Variants in BRAF observed in about 807,000 individuals in gnomAD.
BRAF encodes the protein B-Raf proto-oncogene, serine/threonine kinase.
BRAF carries 16 observed loss-of-function variants against 104.6 expected under a neutral mutation model. That is an observed-to-expected ratio of 0.15 (90% CI 0.10 to 0.23). The LOEUF is 0.23. Among genes scored for constraint, BRAF ranks in the 10% least tolerant of loss-of-function variants. The pLI, the probability that BRAF is intolerant of heterozygous loss-of-function variation, is 1.00. For missense variants in BRAF, 541 were observed against 937.3 expected (o/e 0.58, Z 5.52); for synonymous variants, 310 against 341.6 (o/e 0.91, Z 1.02).
At chr7:140,895,256 T>A (rs1260544905) in intron 1 of BRAF, among the ~76,000 whole-genome samples, 1 of 152,130 alleles carries the variant, frequency 6.6e-6, no homozygotes, top group African/African-American at 2.4e-5. Flanking sequence ...GAAAAAAATC[T>A]AACAAAATTC....
chr7:140,818,318 T>A (rs1805101338), intron 3 of BRAF, among the ~76,000 whole-genome samples: 1 of 151,622 alleles, frequency 6.6e-6, no homozygotes, highest in African/African-American at 2.4e-5. Context: ...ATTTTAATTT[T>A]TTTTTTTTTT....
intron 1 of BRAF, among the ~76,000 whole-genome samples, chr7:140,880,604 T>C (rs1812787015): frequency 6.6e-6 from 1 of 152,194 alleles, no homozygotes; most frequent in Non-Finnish European, 1.5e-5. Flanking sequence ...AGATCCATCA[T>C]AGGAATATCT....
rs1232247923 is a variant in BRAF at position 140,882,371 on chromosome 7, C to CTTT, written c.139-32162_139-32160dup. 6.1e-3 allele frequency among the ~76,000 whole-genome samples: 776 copies of CTTT among 126,606 alleles called. 14 individuals are homozygous for CTTT. Among genetic ancestry groups the CTTT allele is most frequent in the African/African-American group, 0.021 (714 of 33,266 alleles). 83.1% of individuals were successfully genotyped at this position (126,606 alleles called of 152,430 possible). A position where few individuals can be genotyped will look rare whatever the true frequency, so the allele number is the denominator to read the frequency against. ...AACTATTATTTCTTTATCAAAGTAT[C>CTTT]TTTTTTTTTTTTTTTTTTTTGTGAG... On this transcript the variant is annotated intron_variant, in intron 1 of 19. Coordinates refer to ENST00000644969, the MANE Select transcript of BRAF (RefSeq NM_001374258.1).
In BRAF at chr7:140,720,378, A is replaced by T. The variant is rs1236002492; in HGVS notation, c.*6116T>A. ...CAGGAGAAGGGGACAGCACAGAGAC[A>T]TACACCCCTGTATGTAAACTAACAT... On this transcript the variant is annotated 3_prime_UTR_variant, in exon 20 of 20. Coordinates refer to ENST00000644969, the MANE Select transcript of BRAF (RefSeq NM_001374258.1). 4 of 1,062,384 alleles carry T rather than the reference A, an allele frequency of 3.8e-6. No individual in the cohort carries two copies. The highest frequency in any genetic ancestry group is 4.6e-6 in the Non-Finnish European group (4 of 877,520). The allele number at this position is 1,062,384 out of a possible 1,614,324, so 65.8% of individuals were successfully genotyped here. A position where few individuals can be genotyped will look rare whatever the true frequency, so the allele number is the denominator to read the frequency against.
At chr7:140,859,590 T>A (rs552591926) in intron 1 of BRAF, among the ~76,000 whole-genome samples, 9 of 152,182 alleles carry the variant, frequency 5.9e-5, no homozygotes, top group Middle Eastern at 3.4e-3. Flanking sequence ...AATATTATAA[T>A]GATGTCAATT....
intron 14 of BRAF, among the ~76,000 whole-genome samples, chr7:140,761,223 G>A (rs1168323960): frequency 6.6e-6 from 1 of 152,118 alleles, no homozygotes; most frequent in Non-Finnish European, 1.5e-5. Flanking sequence ...AAGAGAGTGG[G>A]GGCCAATATT....
intron 14 of BRAF, among the ~76,000 whole-genome samples, chr7:140,772,942 T>G (rs964806820): frequency 1.3e-5 from 2 of 152,184 alleles, no homozygotes; most frequent in East Asian, 3.9e-4. Flanking sequence ...AAAAGTTACA[T>G]TTAAATAATT....
intron 2 of BRAF, among the ~76,000 whole-genome samples, chr7:140,848,388 C>T (rs1808795315): frequency 6.6e-6 from 1 of 152,170 alleles, no homozygotes. Context: ...TAGTATCTTG[C>T]TCAAAGTAAC....
rs1803413830 is a variant in BRAF at position 140,804,158 on chromosome 7, G to A, written c.712-2598C>T. ...TGCCTCGTCTTCCCAGAGTGTTACA[G>A]ACATGAGCCACCACACTCGGCCTCT... On this transcript the variant is annotated intron_variant, in intron 5 of 19. Coordinates refer to ENST00000644969, the MANE Select transcript of BRAF (RefSeq NM_001374258.1). 2.0e-5 allele frequency among the ~76,000 whole-genome samples: 3 copies of A among 151,784 alleles called. No homozygotes were observed. In the South Asian group the frequency reaches 6.3e-4, roughly 32 times the overall value.
At chr7:140,776,356 TA>T (rs1300054465) in intron 14 of BRAF, among the ~76,000 whole-genome samples, 8 of 152,210 alleles carry the variant, frequency 5.3e-5, no homozygotes, top group Admixed American at 5.2e-4. Context: ...TTGCAAAATT[TA>T]AAATTTATCC....
chr7:140,863,143 G>A (rs117499623), intron 1 of BRAF, among the ~76,000 whole-genome samples: 4,056 of 151,644 alleles, frequency 0.027, 86 homozygotes, highest in Non-Finnish European at 0.035. Flanking sequence ...TAGGCCTCTC[G>A]TCCCAGCATT....
intron 17 of BRAF, among the ~76,000 whole-genome samples, chr7:140,743,617 A>C (rs931567179): frequency 6.6e-6 from 1 of 152,026 alleles, no homozygotes; most frequent in African/African-American, 2.4e-5. Flanking sequence ...AGATATACCT[A>C]ATGCTAAATG....
intron 4 of BRAF, chr7:140,808,477 C>A: frequency 6.1e-6 from 2 of 329,872 alleles, no homozygotes; most frequent in Non-Finnish European, 1.1e-5. Flanking sequence ...AAAGAGGATT[C>A]AAAATGTGAG....
At chr7:140,867,256 T>C (rs1165736138) in intron 1 of BRAF, among the ~76,000 whole-genome samples, 1 of 152,174 alleles carries the variant, frequency 6.6e-6, no homozygotes, top group Admixed American at 6.5e-5. Context: ...TACTCATATA[T>C]TGCATGGTCT....
intron 1 of BRAF, among the ~76,000 whole-genome samples, chr7:140,902,733 G>A (rs999367402): frequency 6.6e-6 from 1 of 152,154 alleles, no homozygotes; most frequent in African/African-American, 2.4e-5. Flanking sequence ...AGGAGTTTGA[G>A]ACCAGCCTAG....
intron 1 of BRAF, among the ~76,000 whole-genome samples, chr7:140,861,301 G>C (rs1051578512): frequency 2.0e-5 from 3 of 152,210 alleles, no homozygotes; most frequent in Non-Finnish European, 4.4e-5. Context: ...GTTCAGTTCT[G>C]ATTGGCTGAG....
intron 14 of BRAF, among the ~76,000 whole-genome samples, chr7:140,758,655 A>G (rs1431037314): frequency 6.6e-6 from 1 of 152,084 alleles, no homozygotes. Flanking sequence ...GGGTCTCACT[A>G]TGTTGCCCAG....
At chr7:140,739,751 C>A (rs939706621) in intron 18 of BRAF, 61 bp downstream of exon 17, 250 of 1,601,236 alleles carry the variant, frequency 1.6e-4, no homozygotes, top group Non-Finnish European at 2.1e-4. Flanking sequence ...CAAAAAAGTG[C>A]TCAGAAATCT....
At chr7:140,834,526 G>C in intron 3 of BRAF, 83 bp downstream of exon 3, 1 of 1,552,892 alleles carries the variant, frequency 6.4e-7, no homozygotes, top group Non-Finnish European at 8.9e-7. Flanking sequence ...TGAGTATGAA[G>C]TAATAATATA....
Sources: allele counts gnomAD v4.1 joint callset (sites outside exome capture counted in the v4.1 genomes callset), GRCh38; gene constraint gnomAD v4.1.1; transcripts MANE v1.5; gene names NCBI Gene and HGNC (gene_info 2026-07-23, HGNC 2026-07-21).